Variants in AKAP9 observed in about 807,000 individuals in gnomAD.
AKAP9 encodes the protein A-kinase anchoring protein 9.
A neutral mutation model predicts 488.5 loss-of-function variants in AKAP9; 311 were observed. That is an observed-to-expected ratio of 0.64 (90% CI 0.58 to 0.70). AKAP9 has a LOEUF of 0.70. AKAP9 is among the 30% of genes least tolerant of loss of function. AKAP9 has a pLI of 0.00. For synonymous variants in AKAP9, 1,462 were observed against 1,483.5 expected (o/e 0.99, Z 0.33); for missense variants, 4,215 against 4,374.5 (o/e 0.96, Z 1.03).
rs757383243 is a variant in AKAP9, at chr7:92,022,318, A to G, written c.3918A>G (p.Ser1306=). The part of the protein sequence containing the change: ...NLPKEETEFL[S]IHSQMTNLED... ...CAAAAGAGGAAACAGAGTTTTTATC[A>G]ATCCATTCTCAGATGACCAATTTGG... Residue 1306 remains serine (S), a synonymous_variant, in exon 13 of 50, where the codon TCA becomes TCG. Transcript: ENST00000356239. 1.2e-6 allele frequency: 2 copies of G among 1,613,240 alleles called. No homozygotes were observed. The highest frequency in any genetic ancestry group is 1.7e-6 in the Non-Finnish European group (2 of 1,179,300).
chr7:92,081,453 C>T (rs1015475482), intron 31 of AKAP9, among the ~76,000 whole-genome samples: 1 of 147,908 alleles, frequency 6.8e-6, no homozygotes, highest in Non-Finnish European at 1.5e-5. Context: ...TACAGACACG[C>T]ACCACCACAC....
chr7:92,101,574 G>T (rs780626978), intron 45 of AKAP9, among the ~76,000 whole-genome samples: 1 of 152,112 alleles, frequency 6.6e-6, no homozygotes, highest in African/African-American at 2.4e-5. Flanking sequence ...TTTATTAATG[G>T]TCACAGTGGC....
chr7:92,085,691 CCAAA>C lies in AKAP9; in HGVS notation c.9024+6_9024+9del, dbSNP rs1280566580. On this transcript the variant is annotated splice_donor_region_variant and intron_variant, in intron 36 of 49. Coordinates refer to ENST00000356239, the MANE Select transcript of AKAP9 (RefSeq NM_005751.5). ...CAACTGCAAAGAGAAGCCGAGGTAA[CCAAA>C]GAATACTATGCATTTAAATCATTTT... 1.3e-6 allele frequency: 2 copies of C among 1,599,286 alleles called. No individual in the cohort carries two copies.
At chr7:92,069,835 C>T (rs1385321464) in intron 26 of AKAP9, among the ~76,000 whole-genome samples, 195 bp from the exon 27 acceptor site, 3 of 152,074 alleles carry the variant, frequency 2.0e-5, no homozygotes, top group South Asian at 2.1e-4. Flanking sequence ...GCATGACGAT[C>T]GTGCCTGTAA....
chr7:92,003,106 A>G lies in AKAP9; in HGVS notation c.3189A>G (p.Glu1063=), dbSNP rs1224657487. The G allele has an allele frequency of 6.2e-7, 1 of 1,612,058 alleles. No homozygotes were observed. Among genetic ancestry groups the G allele is most frequent in the Admixed American group, 1.7e-5 (1 of 59,800 alleles). Residue 1063 remains glutamate, a synonymous_variant, in exon 8 of 50, where the codon GAA becomes GAG. Coordinates refer to ENST00000356239, the MANE Select transcript of AKAP9 (RefSeq NM_005751.5). ...CTTTTGAAAATATGACTGTTGGAGA[A>G]GAAAGTAAGCAAGAACAGTTGATTT... ...KVSFENMTVG[E]ESKQEQLILD... is the part of the protein sequence containing the mutation.
Position 92,097,198 on chromosome 7 carries a change from A to G in AKAP9, c.10239A>G (p.Glu3413=). The G allele has an allele frequency of 6.2e-7, 1 of 1,613,190 alleles. No homozygotes were observed. Among genetic ancestry groups the G allele is most frequent in the Admixed American group, 1.7e-5 (1 of 59,844 alleles). ...TGCATGAGCTCCAGTCCAAAGTGGAAGATCTTCAGCGCCAGCTGGAAGAGA... is the reference window on the plus strand; with the variant it reads ...TGCATGAGCTCCAGTCCAAAGTGGAGGATCTTCAGCGCCAGCTGGAAGAGA... ...KKMHELQSKV[E]DLQRQLEEKR... The change falls in exon 41 of 50, where the codon GAA becomes GAG. Residue 3413 remains glutamate (E), a synonymous_variant. Coordinates refer to ENST00000356239, the MANE Select transcript of AKAP9 (RefSeq NM_005751.5).
chr7:91,963,198 G>A (rs1237708257), intron 1 of AKAP9, among the ~76,000 whole-genome samples: 3 of 152,060 alleles, frequency 2.0e-5, no homozygotes, highest in Non-Finnish European at 4.4e-5. Flanking sequence ...ACCCTCCAAA[G>A]TAGTTTAAGT....
intron 3 of AKAP9, among the ~76,000 whole-genome samples, chr7:91,987,027 A>T (rs1359579766): frequency 1.3e-5 from 2 of 152,162 alleles, no homozygotes; most frequent in Non-Finnish European, 1.5e-5. Context: ...TCTTGTGATG[A>T]TACAGTTTCT....
chr7:91,997,174 A>G (rs1425468723), intron 7 of AKAP9, among the ~76,000 whole-genome samples: 2 of 152,176 alleles, frequency 1.3e-5, no homozygotes, highest in African/African-American at 2.4e-5. Context: ...TTTACAGAAC[A>G]CCTATTTTTG....
intron 3 of AKAP9, among the ~76,000 whole-genome samples, chr7:91,981,964 C>G (rs190798071): frequency 1.1e-3 from 164 of 152,264 alleles, no homozygotes; most frequent in Non-Finnish European, 2.1e-3. Flanking sequence ...GCCTGTATCT[C>G]TGGGGGCACC....
chr7:91,942,401 A>T (rs1790878524), intron 1 of AKAP9, among the ~76,000 whole-genome samples: 1 of 152,246 alleles, frequency 6.6e-6, no homozygotes, highest in South Asian at 2.1e-4. Context: ...ATGCTTGTAT[A>T]TAGCCAGGTA....
At chr7:92,067,377 A>AT (rs1810939506) in intron 26 of AKAP9, among the ~76,000 whole-genome samples, 1 of 152,106 alleles carries the variant, frequency 6.6e-6, no homozygotes, top group South Asian at 2.1e-4. Flanking sequence ...AGCATAAAAC[A>AT]TTTTTCTTCT....
intron 17 of AKAP9, among the ~76,000 whole-genome samples, chr7:92,039,706 G>A (rs1313110345): frequency 6.6e-6 from 1 of 152,162 alleles, no homozygotes; most frequent in East Asian, 1.9e-4. Flanking sequence ...CGAGTGTGGT[G>A]GCTCATGCCT....
chr7:92,029,766 T>C, intron 14 of AKAP9, 129 bp from the exon 15 acceptor site: 1 of 703,284 alleles, frequency 1.4e-6, no homozygotes, highest in Non-Finnish European at 2.5e-6. Flanking sequence ...TAACTTGCAA[T>C]ACCTATAACC....
At chr7:91,942,628 A>G (rs1473300695) in intron 1 of AKAP9, among the ~76,000 whole-genome samples, 2 of 152,182 alleles carry the variant, frequency 1.3e-5, no homozygotes, top group East Asian at 1.9e-4. Flanking sequence ...GCCCCCAGAA[A>G]TGTCTTTCCT....
chr7:91,955,319 G>C (rs1301515644), intron 1 of AKAP9, among the ~76,000 whole-genome samples: 1 of 152,110 alleles, frequency 6.6e-6, no homozygotes, highest in Admixed American at 6.5e-5. Context: ...ATAAAATAAA[G>C]ACTGATGATA....
rs542673980 is a variant in AKAP9 at position 92,004,725 on chromosome 7, G to A, written c.3318+1490G>A. On this transcript the variant is annotated intron_variant, in intron 8 of 49. Coordinates refer to ENST00000356239, the MANE Select transcript of AKAP9 (RefSeq NM_005751.5). ...GCTTAAGGAGATTTTGGGCTGAGAC[G>A]ATGGGGTTTTCTAGATATACAATCA... Among the ~76,000 whole-genome samples, 81 of 152,282 alleles carry A rather than the reference G, an allele frequency of 5.3e-4. No individual in the cohort carries two copies. The South Asian group carries it at 5.6e-3, about 11-fold the overall frequency.
rs1819181825 is a variant in AKAP9, at chr7:92,110,626, T to C, written c.*467T>C. The stretch of plus-strand genomic sequence containing the variant: ...GGTAGAAGTTTTGAATTTTATGGGG[T>C]ATTTTGTCAAGTACTGAAATAAAAA... On this transcript the variant is annotated 3_prime_UTR_variant, in exon 50 of 50. Coordinates refer to ENST00000356239, the MANE Select transcript of AKAP9 (RefSeq NM_005751.5). 4.8e-6 allele frequency: 1 copy of C among 207,852 alleles called. No individual in the cohort carries two copies. Among genetic ancestry groups the C allele is most frequent in the Admixed American group, 5.8e-5 (1 of 17,340 alleles). The allele number at this position is 207,852 out of a possible 1,614,324, so 12.9% of individuals were successfully genotyped here.
chr7:92,105,632 C>A, intron 46 of AKAP9, 46 bp from the exon 47 acceptor site: 1 of 1,327,198 alleles, frequency 7.5e-7, no homozygotes, highest in Non-Finnish European at 1.1e-6. Context: ...AATGTATATA[C>A]TGTTTATAGA....
Sources: allele counts gnomAD v4.1 joint callset (sites outside exome capture counted in the v4.1 genomes callset), GRCh38; gene constraint gnomAD v4.1.1; transcripts MANE v1.5; gene names NCBI Gene and HGNC (gene_info 2026-07-23, HGNC 2026-07-21).